The following LRRC8D variants were observed in gnomAD, a reference collection of about 807,000 sequenced individuals.
LRRC8D encodes volume-regulated anion channel subunit LRRC8D.
LRRC8D carries 20 observed loss-of-function variants against 55.8 expected under a neutral mutation model. That is an observed-to-expected ratio of 0.36 (90% CI 0.25 to 0.52). LRRC8D has a LOEUF of 0.52. Among genes scored for constraint, LRRC8D ranks in the 20% least tolerant of loss-of-function variants. The pLI, the probability that LRRC8D is intolerant of heterozygous loss-of-function variation, is 0.93. For synonymous variants in LRRC8D, 352 were observed against 377.0 expected, an observed-to-expected ratio of 0.93 and a Z score of 0.77; for missense variants, 651 against 1,030.8, an observed-to-expected ratio of 0.63 and a Z score of 5.05.
intron 1 of LRRC8D, among the ~76,000 whole-genome samples, chr1:89,823,256 T>C (rs1660682606): frequency 6.6e-6 from 1 of 152,190 alleles, no homozygotes; most frequent in Admixed American, 6.5e-5. Flanking sequence ...TTGAGCCATA[T>C]TCATATCATT....
chr1:89,898,012 G>A (rs563814738), intron 2 of LRRC8D, among the ~76,000 whole-genome samples: 3 of 152,130 alleles, frequency 2.0e-5, no homozygotes, highest in Admixed American at 6.5e-5. Flanking sequence ...CCACCTAACC[G>A]CCATACTCGC....
intron 1 of LRRC8D, among the ~76,000 whole-genome samples, chr1:89,834,839 CA>C (rs929461385): frequency 2.6e-5 from 4 of 152,058 alleles, no homozygotes; most frequent in African/African-American, 9.7e-5. Flanking sequence ...TGTAGAAGTA[CA>C]GAATGTGTTT....
chr1:89,849,259 G>T (rs559306665), intron 2 of LRRC8D, among the ~76,000 whole-genome samples: 3 of 152,200 alleles, frequency 2.0e-5, no homozygotes, highest in Admixed American at 2.0e-4. Flanking sequence ...GACATGAAAG[G>T]GTCAACATTT....
intron 2 of LRRC8D, among the ~76,000 whole-genome samples, chr1:89,851,411 C>T (rs918727340): frequency 1.3e-5 from 2 of 152,162 alleles, no homozygotes; most frequent in Non-Finnish European, 2.9e-5. Flanking sequence ...TCTTCCCCGT[C>T]TGCAATTTAT....
At chr1:89,834,265 T>G (rs1420717748) in intron 1 of LRRC8D, among the ~76,000 whole-genome samples, 2 of 152,240 alleles carry the variant, frequency 1.3e-5, no homozygotes, top group Non-Finnish European at 2.9e-5. Context: ...CAAATGCTTT[T>G]TGAGCATTTA....
At chr1:89,844,848 G>A (rs1661232930) in intron 2 of LRRC8D, among the ~76,000 whole-genome samples, 1 of 152,158 alleles carries the variant, frequency 6.6e-6, no homozygotes, top group African/African-American at 2.4e-5. Context: ...GGAGTGGGAT[G>A]GCTGAGAATA....
chr1:89,860,892 T>C (rs570632856), intron 2 of LRRC8D, among the ~76,000 whole-genome samples: 2 of 150,116 alleles, frequency 1.3e-5, no homozygotes, highest in African/African-American at 4.9e-5. Context: ...CTTTTAAAGT[T>C]ACTTAGAAGG....
At chr1:89,901,526 G>C (rs760412094) in intron 2 of LRRC8D, among the ~76,000 whole-genome samples, 1 of 152,070 alleles carries the variant, frequency 6.6e-6, no homozygotes, top group East Asian at 1.9e-4. Context: ...CATTGCCACT[G>C]TCTCCTTCAT....
Position 89,936,425 on chromosome 1 carries a change from C to T in LRRC8D, c.*780C>T, listed in dbSNP as rs1425349978. The stretch of plus-strand genomic sequence containing the variant: ...TGTTTTCTAAAAATAAATTTTATTA[C>T]AACAAAATAAAAATTTTAATGACTT... On this transcript the variant is annotated 3_prime_UTR_variant, in exon 3 of 3. Coordinates refer to ENST00000337338, the MANE Select transcript of LRRC8D (RefSeq NM_001134479.2). 1 of 161,248 alleles carries T rather than the reference C, an allele frequency of 6.2e-6. No homozygotes were observed. Among genetic ancestry groups the T allele is most frequent in the East Asian group, 1.9e-4 (1 of 5,202 alleles). The allele number at this position is 161,248 out of a possible 1,614,324, so 10.0% of individuals were successfully genotyped here. A position where few individuals can be genotyped will look rare whatever the true frequency, so the allele number is the denominator to read the frequency against.
intron 2 of LRRC8D, among the ~76,000 whole-genome samples, chr1:89,850,370 A>G (rs1462056820): frequency 2.0e-5 from 3 of 152,164 alleles, no homozygotes; most frequent in African/African-American, 7.2e-5. Flanking sequence ...AGATTATTTT[A>G]TCACCCAGGT....
At chr1:89,920,631 ATTGTATAC>A (rs1170437645) in intron 2 of LRRC8D, among the ~76,000 whole-genome samples, 1 of 150,414 alleles carries the variant, frequency 6.6e-6, no homozygotes, top group East Asian at 2.0e-4. Flanking sequence ...TATAGAGTAT[ATTGTATAC>A]TTGTAATACC....
chr1:89,878,081 T>G (rs1464530503), intron 2 of LRRC8D, among the ~76,000 whole-genome samples: 1 of 152,146 alleles, frequency 6.6e-6, no homozygotes, highest in Non-Finnish European at 1.5e-5. Flanking sequence ...CACTATGGGT[T>G]TTTAAAATCC....
chr1:89,880,680 C>A lies in LRRC8D; in HGVS notation c.-3+36898C>A, dbSNP rs189277128. 2.0e-3 allele frequency among the ~76,000 whole-genome samples: 310 copies of A among 151,938 alleles called. 1 individual carries two copies. The highest frequency in any genetic ancestry group is 7.2e-3 in the African/African-American group (298 of 41,472). On this transcript the variant is annotated intron_variant, in intron 2 of 2. Coordinates refer to ENST00000337338, the MANE Select transcript of LRRC8D (RefSeq NM_001134479.2). The stretch of plus-strand genomic sequence containing the variant: ...AACTCTTGCCCAACCAGCTAGATAC[C>A]CTTATATATATTTCCTTTGTATCAC...
intron 2 of LRRC8D, among the ~76,000 whole-genome samples, chr1:89,902,699 A>G (rs917462346): frequency 4.0e-5 from 6 of 151,148 alleles, no homozygotes; most frequent in African/African-American, 1.5e-4. Flanking sequence ...AATTTTTTGT[A>G]TTTTTAGTAG....
intron 2 of LRRC8D, among the ~76,000 whole-genome samples, chr1:89,850,665 G>A (rs1190796470): frequency 6.6e-6 from 1 of 152,120 alleles, no homozygotes; most frequent in Non-Finnish European, 1.5e-5. Flanking sequence ...TGGTGTATAT[G>A]TACCCCATTT....
intron 2 of LRRC8D, among the ~76,000 whole-genome samples, chr1:89,920,465 T>A (rs1284646504): frequency 6.6e-6 from 1 of 152,074 alleles, no homozygotes; most frequent in African/African-American, 2.4e-5. Flanking sequence ...ATCTTGAGAT[T>A]TTTTATGTAA....
intron 1 of LRRC8D, among the ~76,000 whole-genome samples, chr1:89,822,875 A>C (rs897520779): frequency 6.6e-6 from 1 of 152,184 alleles, no homozygotes; most frequent in Non-Finnish European, 1.5e-5. Context: ...ATCTGTCTTG[A>C]CACCAACTAA....
Position 89,935,303 on chromosome 1 carries a change from A to T in LRRC8D, c.2235A>T (p.Pro745=). Residue 745 remains proline (P), a synonymous_variant, in exon 3 of 3, where the codon CCA becomes CCT. Coordinates refer to ENST00000337338, the MANE Select transcript of LRRC8D (RefSeq NM_001134479.2). ...DVSYNNISMI[P]IEIGLLQNLQ... is the part of the protein sequence containing the mutation. ...GCTACAACAACATTTCAATGATTCC[A>T]ATAGAAATAGGATTGCTTCAGAACC... The T allele has an allele frequency of 6.2e-7, 1 of 1,614,096 alleles. No homozygotes were observed. Among genetic ancestry groups the T allele is most frequent in the Non-Finnish European group, 8.5e-7 (1 of 1,179,916 alleles).
chr1:89,890,095 G>C (rs1407061772), intron 2 of LRRC8D, among the ~76,000 whole-genome samples: 2 of 152,214 alleles, frequency 1.3e-5, no homozygotes, highest in African/African-American at 4.8e-5. Flanking sequence ...GCTGAGGCAG[G>C]AGAATGCCAT....
Sources: allele counts gnomAD v4.1 joint callset (sites outside exome capture counted in the v4.1 genomes callset), GRCh38; gene constraint gnomAD v4.1.1; transcripts MANE v1.5; gene names NCBI Gene and HGNC (gene_info 2026-07-23, HGNC 2026-07-21).